Variants in NOX4 observed in about 807,000 individuals in gnomAD.
The protein encoded by NOX4 is NADPH oxidase 4, also known as kidney oxidase-1.
A neutral mutation model predicts 87.6 loss-of-function variants in NOX4; 69 were observed. That is an observed-to-expected ratio of 0.79 (90% confidence interval 0.65 to 0.96). The LOEUF is 0.96. NOX4 is among the 40% of genes least tolerant of loss of function. The pLI is 0.00. For synonymous variants in NOX4, 275 were observed against 238.2 expected (o/e 1.15, Z -1.42); for missense variants, 680 against 681.5 (o/e 1.00, Z 0.02).
chr11:89,534,216 C>A, the NOX4 span, among the ~76,000 whole-genome samples: 1 of 152,160 alleles, frequency 6.6e-6, no homozygotes, highest in African/African-American at 2.4e-5. Flanking sequence ...TGTGTTCCTG[C>A]CTTTGTGCTT....
chr11:89,335,095 T>C lies in NOX4; in HGVS notation c.1616+750A>G, dbSNP rs563142788. 2.0e-5 allele frequency among the ~76,000 whole-genome samples: 3 copies of C among 151,918 alleles called. No homozygotes were observed. The East Asian group carries it at 5.8e-4, about 29-fold the overall frequency. On this transcript the variant is annotated intron_variant, in intron 17 of 17. Coordinates refer to ENST00000263317, the MANE Select transcript of NOX4 (RefSeq NM_016931.5). ...GCAATATGTTAGAAATCACATCTTT[T>C]ACAACTGTGTAAACTTATGATGAAA...
At chr11:89,498,554 C>A (rs915892358), upstream of NOX4, among the ~76,000 whole-genome samples, 5 of 152,102 alleles carry the variant, frequency 3.3e-5, no homozygotes, top group Admixed American at 6.6e-5. Context: ...AGAAAAACTG[C>A]AAATAACTGA....
At chr11:89,498,635 C>T (rs1565359641), upstream of NOX4, 1 of 152,122 alleles carries the variant, frequency 6.6e-6, no homozygotes, top group Non-Finnish European at 1.5e-5. Flanking sequence ...AAAAAAATAA[C>T]GTTCAGAATG....
chr11:89,487,903 A>T (rs752561850), intron 2 of NOX4, among the ~76,000 whole-genome samples: 1 of 152,198 alleles, frequency 6.6e-6, no homozygotes, highest in Non-Finnish European at 1.5e-5. Context: ...TAAGCCTAGG[A>T]CATAAAATTA....
chr11:89,501,640 CCT>C (rs1250985091), upstream of NOX4, among the ~76,000 whole-genome samples: 1 of 152,058 alleles, frequency 6.6e-6, no homozygotes, highest in Non-Finnish European at 1.5e-5. Flanking sequence ...CTAACACAAT[CCT>C]CTGTCCTTCC....
At chr11:89,513,447 A>G in the NOX4 span, among the ~76,000 whole-genome samples, 2 of 152,100 alleles carry the variant, frequency 1.3e-5, no homozygotes, top group African/African-American at 4.8e-5. Flanking sequence ...AGCAATGAAA[A>G]AATCTCTAGC....
intron 11 of NOX4, among the ~76,000 whole-genome samples, chr11:89,387,668 G>C (rs569152978): frequency 6.6e-6 from 1 of 152,216 alleles, no homozygotes; most frequent in East Asian, 1.9e-4. Flanking sequence ...CCATAATTGA[G>C]AATCCATGAA....
chr11:89,504,250 C>T, the NOX4 span, among the ~76,000 whole-genome samples: 2 of 151,890 alleles, frequency 1.3e-5, no homozygotes, highest in Admixed American at 1.3e-4. Context: ...GTTGCTGGAA[C>T]ACACAGGGTG....
chr11:89,350,377 T>G (rs1281981488), intron 13 of NOX4, among the ~76,000 whole-genome samples: 1 of 152,332 alleles, frequency 6.6e-6, no homozygotes, highest in Admixed American at 6.5e-5. Context: ...TACATTTCCA[T>G]ATTTCATTAT....
At chr11:89,500,963 G>C (rs570336665), upstream of NOX4, among the ~76,000 whole-genome samples, 40 of 152,106 alleles carry the variant, frequency 2.6e-4, no homozygotes, top group Non-Finnish European at 5.0e-4. Context: ...AGCACATTAG[G>C]GGGCAGGTAG....
At chr11:89,463,208 T>C (rs1016533178) in intron 2 of NOX4, among the ~76,000 whole-genome samples, 96 of 152,066 alleles carry the variant, frequency 6.3e-4, no homozygotes, top group African/African-American at 2.0e-3. Context: ...TTAATAATAA[T>C]AGGAACACTA....
At chr11:89,392,712 A>G (rs1182771827) in intron 11 of NOX4, among the ~76,000 whole-genome samples, 1 of 152,178 alleles carries the variant, frequency 6.6e-6, no homozygotes, top group Non-Finnish European at 1.5e-5. Context: ...GACAGTGAAT[A>G]TGAAAAAAAA....
chr11:89,347,414 T>G (rs1310988252), intron 13 of NOX4, among the ~76,000 whole-genome samples: 1 of 152,236 alleles, frequency 6.6e-6, no homozygotes, highest in African/African-American at 2.4e-5. Flanking sequence ...AGAATGGTGA[T>G]GAGAATTCAC....
At chr11:89,377,758 G>C (rs541354244) in intron 11 of NOX4, among the ~76,000 whole-genome samples, 1 of 152,164 alleles carries the variant, frequency 6.6e-6, no homozygotes, top group African/African-American at 2.4e-5. Flanking sequence ...AAAACTAAAT[G>C]TGTTAAACCT....
At chr11:89,418,306 G>A (rs1942892592) in intron 8 of NOX4, among the ~76,000 whole-genome samples, 1 of 151,452 alleles carries the variant, frequency 6.6e-6, no homozygotes, top group South Asian at 2.1e-4. Context: ...TAACTTAGTG[G>A]TTAAGAATGT....
At position 89,488,837 on chromosome 11, in the gene NOX4, A is replaced by T. The variant is rs146068026; in HGVS notation, c.153+1621T>A. 1.0e-3 allele frequency: 558 copies of T among 543,694 alleles called. 2 individuals are homozygous for T. Among genetic ancestry groups the T allele is most frequent in the African/African-American group, 9.3e-3 (484 of 52,184 alleles). The allele number at this position is 543,694 out of a possible 1,614,324, so 33.7% of individuals were successfully genotyped here. Reference sequence around the variant, plus strand: ...TAGAAAACAAAACCAAAAAGTTATCAGACCTCATGTGTTTATTAGAAGAAA... The same window carrying T: ...TAGAAAACAAAACCAAAAAGTTATCTGACCTCATGTGTTTATTAGAAGAAA... On this transcript the variant is annotated intron_variant, in intron 2 of 17. Transcript: ENST00000263317.
chr11:89,374,772 C>T (rs1939716748), intron 11 of NOX4, among the ~76,000 whole-genome samples: 1 of 151,714 alleles, frequency 6.6e-6, no homozygotes, highest in South Asian at 2.1e-4. Flanking sequence ...TGGTATGCCA[C>T]AATATGAATT....
chr11:89,475,422 T>A (rs11018630), intron 2 of NOX4, among the ~76,000 whole-genome samples: 21,105 of 152,022 alleles, frequency 0.14, 1,791 homozygotes, highest in South Asian at 0.23. Context: ...TTTAAAAACT[T>A]TCCATTTCTA....
chr11:89,448,253 G>A (rs1162005513), intron 4 of NOX4, among the ~76,000 whole-genome samples: 2 of 152,258 alleles, frequency 1.3e-5, no homozygotes, highest in East Asian at 3.9e-4. Context: ...TTGAGGATCA[G>A]AGAGGTAACA....
Sources: allele counts gnomAD v4.1 joint callset (sites outside exome capture counted in the v4.1 genomes callset), GRCh38; gene constraint gnomAD v4.1.1; transcripts MANE v1.5; gene names NCBI Gene and HGNC (gene_info 2026-07-23, HGNC 2026-07-21).